PKD1: variants seen among roughly 807,000 people sequenced by gnomAD.
PKD1 encodes the protein polycystin 1, transient receptor potential channel interacting, also known as polycystin-1.
PKD1 carries 81 observed loss-of-function variants against 361.7 expected under a neutral mutation model. The ratio of observed to expected loss-of-function variants is 0.22; its 90% confidence interval spans 0.19 to 0.27. The LOEUF (loss-of-function observed/expected upper bound fraction) is 0.27. PKD1 is among the 10% of genes least tolerant of loss of function. PKD1 has a pLI of 1.00. For synonymous variants in PKD1, 3,615 were observed against 2,818.3 expected (o/e 1.28, Z -8.95); for missense variants, 6,399 against 6,118.3 (o/e 1.05, Z -1.53).
chr16:2,122,566 G>T (rs2092738432), intron 1 of PKD1, among the ~76,000 whole-genome samples: 1 of 152,240 alleles, frequency 6.6e-6, no homozygotes, highest in African/African-American at 2.4e-5. Context: ...GGGTGGGACA[G>T]GGTGGTGGCT....
chr16:2,123,564 C>G (rs1420427273), intron 1 of PKD1: 1 of 454,624 alleles, frequency 2.2e-6, no homozygotes. Flanking sequence ...GCCAGCCCCC[C>G]CACCCCGCCC....
rs1182319568 is a variant in PKD1 at position 2,111,810 on chromosome 16, A to G, written c.3357T>C (p.Pro1119=). ...AGGGCAGGGAGGCGCGCACGCTCAC[A>G]GGCACCTGCTGCGTCAGGTTCTCGA... ...NAFENLTQQV[P]VSVRASLPSV... Residue 1119 remains proline, a synonymous_variant, in exon 15 of 46, where the codon CCT becomes CCC. Coordinates refer to ENST00000262304, the MANE Select transcript of PKD1 (RefSeq NM_001009944.3). 1.2e-6 allele frequency: 2 copies of G among 1,609,908 alleles called. No homozygotes were observed. Among genetic ancestry groups the G allele is most frequent in the East Asian group, 2.2e-5 (1 of 44,848 alleles).
In PKD1 at chr16:2,103,752, G is replaced by T. The variant is rs771382752; in HGVS notation, c.8305C>A (p.Leu2769Ile). The change falls in exon 23 of 46, where the codon CTC (leucine) becomes ATC (isoleucine). Residue 2769 changes from leucine to isoleucine, a missense_variant. Leu to Ile is a conservative substitution (Grantham distance 5). Transcript: ENST00000262304. ...LMRILMRSRV[L>I]NEEPLTLAGE... ...GCCAGCGTCAGGGGCTCCTCGTTGA[G>T]CACGCGGGAGCGCATGAGGATGCGC... is the stretch of plus-strand genomic sequence containing the variant. The T allele has an allele frequency of 6.2e-7, 1 of 1,610,002 alleles. No homozygotes were observed. Among genetic ancestry groups the T allele is most frequent in the Non-Finnish European group, 8.5e-7 (1 of 1,179,630 alleles).
rs770052347 is a variant in PKD1, at chr16:2,108,357, G to A, written c.6810C>T (p.Asp2270=). 15 of 1,609,856 alleles carry A rather than the reference G, an allele frequency of 9.3e-6. No individual in the cohort carries two copies. In the African/African-American group the frequency reaches 2.0e-4, roughly 22 times the overall value. ...IEGGSYRVWS[D]TRDLVLDGSE... ...TCCCATCCAGCACCAGGTCCCGTGTGTCTGACCACACGCGGTATGAGCCAC... is the reference window on the plus strand; with the variant it reads ...TCCCATCCAGCACCAGGTCCCGTGTATCTGACCACACGCGGTATGAGCCAC... Residue 2270 remains aspartate, a synonymous_variant, in exon 15 of 46, where the codon GAC becomes GAT. Coordinates refer to ENST00000262304, the MANE Select transcript of PKD1 (RefSeq NM_001009944.3).
At position 2,105,352 on chromosome 16, in the gene PKD1, C is replaced by T. The variant is rs1349064894; in HGVS notation, c.7986G>A (p.Gln2662=). 1.3e-6 allele frequency: 2 copies of T among 1,593,218 alleles called. No homozygotes were observed. Among genetic ancestry groups the T allele is most frequent in the Non-Finnish European group, 1.7e-6 (2 of 1,177,604 alleles). The change falls in exon 21 of 46, where the codon CAG becomes CAA. Residue 2662 remains glutamine, a synonymous_variant. Transcript: ENST00000262304. ...ACTGGGCCAGCGCAGCAGCGATCTGCTGGATGTCATCCACAGTGTGGACCC... is the reference window on the plus strand; with the variant it reads ...ACTGGGCCAGCGCAGCAGCGATCTGTTGGATGTCATCCACAGTGTGGACCC... ...SLRVHTVDDI[Q]QIAAALAQCM... is the part of the protein sequence containing the mutation.
rs373671825 is a variant in PKD1 at position 2,097,310 on chromosome 16, C to T, written c.10405+9G>A. 87 of 1,612,590 alleles carry T rather than the reference C, an allele frequency of 5.4e-5. No homozygotes were observed. The highest frequency in any genetic ancestry group is 4.9e-4 in the Middle Eastern group (3 of 6,084). On this transcript the variant is annotated intron_variant, in intron 33 of 45. Coordinates refer to ENST00000262304, the MANE Select transcript of PKD1 (RefSeq NM_001009944.3). ...AGCTTCAGAGCCCCCTCCTCTCACC[C>T]CAGCTCACCTGATGCTGAGAAGGAT...
At position 2,090,823 on chromosome 16, in the gene PKD1, T is replaced by TC; in HGVS notation, c.12004-16dup. 1 of 1,611,898 alleles carries TC rather than the reference T, an allele frequency of 6.2e-7. No individual in the cohort carries two copies. The highest frequency in any genetic ancestry group is 8.5e-7 in the Non-Finnish European group (1 of 1,179,904). On this transcript the variant is annotated splice_polypyrimidine_tract_variant and intron_variant, in intron 43 of 45. Transcript: ENST00000262304. ...TGCTGGGCAGCCTGCGGACGAGAAA[T>TC]CTGTCTGCTTGCAGCCCTGGGGTGT... is the stretch of plus-strand genomic sequence containing the variant.
rs2092482790 is a variant in PKD1 at position 2,110,834 on chromosome 16, C to T, written c.4333G>A (p.Val1445Ile). Reference protein sequence around the residue: ...YRDPGSYLVTVTASNNISAAN... With the variant: ...YRDPGSYLVTITASNNISAAN... ...GCAGAGATGTTGTTGGACGCGGTGA[C>T]TGTCACAAGATAGGAGCCTGGGTCT... Residue 1445 changes from valine to isoleucine, a missense_variant, in exon 15 of 46, where the codon GTC becomes ATC. Coordinates refer to ENST00000262304, the MANE Select transcript of PKD1 (RefSeq NM_001009944.3). 1.2e-6 allele frequency: 2 copies of T among 1,611,682 alleles called. No individual in the cohort carries two copies. Among genetic ancestry groups the T allele is most frequent in the African/African-American group, 2.7e-5 (2 of 74,906 alleles).
At position 2,110,143 on chromosome 16, in the gene PKD1, G is replaced by A. The variant is rs748183993; in HGVS notation, c.5024C>T (p.Ala1675Val). Residue 1675 changes from alanine to valine, a missense_variant, in exon 15 of 46, where the codon GCC becomes GTC. Physicochemically the swap from Ala to Val is moderately conservative, Grantham distance 64. Coordinates refer to ENST00000262304, the MANE Select transcript of PKD1 (RefSeq NM_001009944.3). Reference sequence around the variant, plus strand: ...GAAGCCTTTGCCGCTGCCGGCCAGGGCCGGGCCCCTGTCCCTCCAGGCAGT... The same window carrying A: ...GAAGCCTTTGCCGCTGCCGGCCAGGACCGGGCCCCTGTCCCTCCAGGCAGT... ...SWTAWRDRGP[A>V]LAGSGKGFSL... 1 of 1,609,814 alleles carries A rather than the reference G, an allele frequency of 6.2e-7. No homozygotes were observed. The highest frequency in any genetic ancestry group is 1.1e-5 in the South Asian group (1 of 90,880).
intron 7 of PKD1, 60 bp downstream of exon 7, chr16:2,116,773 C>T (rs1443617095): frequency 1.2e-5 from 14 of 1,149,726 alleles, no homozygotes; most frequent in Middle Eastern, 5.5e-4. Context: ...CCACCGCGGG[C>T]GCTCGGCAGG....
Position 2,106,979 on chromosome 16 carries a change from A to G in PKD1, c.7066-31T>C. ...GTGGGAGTGGGGTTACCTCCAACACAGGTCTATTTGGCCTGCTGGAAGGAC... is the reference window on the plus strand; with the variant it reads ...GTGGGAGTGGGGTTACCTCCAACACGGGTCTATTTGGCCTGCTGGAAGGAC... On this transcript the variant is annotated intron_variant, in intron 16 of 45. Coordinates refer to ENST00000262304, the MANE Select transcript of PKD1 (RefSeq NM_001009944.3). The surrounding 1 kb of genome is among the most constrained non-coding windows in gnomAD (Gnocchi z 6.5). 4 of 1,577,582 alleles carry G rather than the reference A, an allele frequency of 2.5e-6. No individual in the cohort carries two copies. Among genetic ancestry groups the G allele is most frequent in the East Asian group, 2.2e-5 (1 of 44,790 alleles).
rs2091373376 is a variant in PKD1 at position 2,089,747 on chromosome 16, C to T, written c.12892G>A (p.Val4298Ile). The T allele has an allele frequency of 1.9e-6, 3 of 1,588,890 alleles. No homozygotes were observed. The highest frequency in any genetic ancestry group is 2.6e-6 in the Non-Finnish European group (3 of 1,169,460). Residue 4298 changes from valine to isoleucine, a missense_variant, in exon 46 of 46, where the codon GTC becomes ATC. By Grantham distance (29) the Val-to-Ile change is conservative. Transcript: ENST00000262304. The stretch of plus-strand genomic sequence containing the variant: ...GAGGACTAAGTGCTGCTGGGGTGGA[C>T]CTTGTTCTTGGCCCGAAGGGGTGTC... Reference protein sequence around the residue: ...SRTPLRAKNKVHPSST With the variant: ...SRTPLRAKNKIHPSST
At chr16:2,104,419 A>C in intron 22 of PKD1, 79 bp downstream of exon 22, 4 of 926,492 alleles carry the variant, frequency 4.3e-6, no homozygotes, top group Non-Finnish European at 6.1e-6. Context: ...GGCAAAGGCG[A>C]CGCGGTTGGG....
rs1399689273 is a variant in PKD1 at position 2,114,173 on chromosome 16, T to C, written c.2850A>G (p.Leu950=). 1 of 1,605,046 alleles carries C rather than the reference T, an allele frequency of 6.2e-7. No individual in the cohort carries two copies. The highest frequency in any genetic ancestry group is 8.5e-7 in the Non-Finnish European group (1 of 1,179,490). The change falls in exon 11 of 46, where the codon CTA becomes CTG. Residue 950 remains leucine (L), a synonymous_variant. Transcript: ENST00000262304. The part of the protein sequence containing the change: ...SPEARVLQGV[L]VRYSPVVEAG... ...GTGGAGCCTCGGCCATACTCACCAC[T>C]AGGACTCCCTGCAGTACACGGGCCT...
intron 14 of PKD1, 91 bp from the exon 15 acceptor site, chr16:2,111,962 T>C (rs1157322718): frequency 2.2e-6 from 3 of 1,369,470 alleles, no homozygotes; most frequent in East Asian, 4.8e-5. Context: ...GAGCCCGGGG[T>C]GAACGGCTGC....
Position 2,100,318 on chromosome 16 carries a change from G to T in PKD1, c.9569-9C>A. The T allele has an allele frequency of 2.5e-6, 4 of 1,609,998 alleles. No individual in the cohort carries two copies. The highest frequency in any genetic ancestry group is 3.4e-6 in the Non-Finnish European group (4 of 1,179,256). On this transcript the variant is annotated splice_polypyrimidine_tract_variant and intron_variant, in intron 27 of 45. Transcript: ENST00000262304. The surrounding 1 kb of genome is among the most constrained non-coding windows in gnomAD (Gnocchi z 4.4). Reference sequence around the variant, plus strand: ...CCAGGCAGGGCTGAGCCCTGCAGAGGCGCAGGAGGGAGGTCAGGCTCGCAG... The same window carrying T: ...CCAGGCAGGGCTGAGCCCTGCAGAGTCGCAGGAGGGAGGTCAGGCTCGCAG...
At chr16:2,121,707 C>A (rs1176019582) in intron 1 of PKD1, among the ~76,000 whole-genome samples, 3 of 150,474 alleles carry the variant, frequency 2.0e-5, no homozygotes, top group African/African-American at 4.9e-5. Flanking sequence ...ACCCTGGGCA[C>A]CCCTCCTGGT....
chr16:2,113,009 T>G, intron 12 of PKD1, 46 bp from the exon 13 acceptor site: 4 of 1,542,012 alleles, frequency 2.6e-6, no homozygotes, highest in Non-Finnish European at 3.5e-6. Context: ...GTGAGAGGCC[T>G]GGCCCTGATT....
In PKD1 at chr16:2,090,073, G is replaced by T. The variant is rs571263363; in HGVS notation, c.12566C>A (p.Thr4189Asn). 4 of 1,610,522 alleles carry T rather than the reference G, an allele frequency of 2.5e-6. No homozygotes were observed. The highest frequency in any genetic ancestry group is 3.4e-6 in the Non-Finnish European group (4 of 1,178,374). The change falls in exon 46 of 46, where the codon ACC becomes AAC. Residue 4189 changes from threonine (T) to asparagine (N), a missense_variant. Coordinates refer to ENST00000262304, the MANE Select transcript of PKD1 (RefSeq NM_001009944.3). ...CAGCCCATCCAGCTGGCTGGAGGAGGTGGAGGGGTGCGAGGCATCGGAGCC... is the reference window on the plus strand; with the variant it reads ...CAGCCCATCCAGCTGGCTGGAGGAGTTGGAGGGGTGCGAGGCATCGGAGCC... ...SAGSDASHPSTSSSQLDGLSV... is the reference protein window; with the variant it reads ...SAGSDASHPSNSSSQLDGLSV...
Sources: allele counts gnomAD v4.1 joint callset (sites outside exome capture counted in the v4.1 genomes callset), GRCh38; gene constraint gnomAD v4.1.1; non-coding constraint Gnocchi (gnomAD v3.1); transcripts MANE v1.5; gene names NCBI Gene and HGNC (gene_info 2026-07-23, HGNC 2026-07-21).